Variants in CDK16 observed in about 807,000 individuals in gnomAD.
CDK16 encodes the protein cyclin-dependent kinase 16.
In CDK16, 2 loss-of-function variants were observed where a neutral mutation model predicts 41.6. The ratio of observed to expected loss-of-function variants is 0.05; its 90% CI spans 0.02 to 0.15. The LOEUF is 0.15. Among genes scored for constraint, CDK16 ranks in the 10% least tolerant of loss-of-function variants. The probability of loss-of-function intolerance (pLI) is 1.00; values close to 1 mark genes in which losing one functional copy is unlikely to be tolerated. For missense variants in CDK16, 228 were observed against 428.9 expected (o/e 0.53, Z 4.14); for synonymous variants, 169 against 169.7 (o/e 1.00, Z 0.03).
chrX:47,218,573 C>G, upstream of CDK16: 1 of 1,142,295 alleles, frequency 8.8e-7, no homozygotes. Flanking sequence ...TCCCTGGTGC[C>G]GTCTCCGGCT....
At position 47,218,984 on chromosome X, in the gene CDK16, C is replaced by T; in HGVS notation, c.-128C>T. 1 of 913,765 alleles carries T rather than the reference C, an allele frequency of 1.1e-6. No homozygotes were observed. The highest frequency in any genetic ancestry group is 1.3e-6 in the Non-Finnish European group (1 of 741,073). The allele number at this position is 913,765 out of a possible 1,213,427, so 75.3% of individuals were successfully genotyped here. A position where few individuals can be genotyped will look rare whatever the true frequency, so the allele number is the denominator to read the frequency against. ...GCCCAGCAACCATGGCTGAAGACTA[C>T]TGGGACGGGCGCCTGCGGCGAACAG... On this transcript the variant is annotated 5_prime_UTR_variant, in exon 1 of 16. Transcript: ENST00000357227.
intron 14 of CDK16, chrX:47,228,331 T>C (rs939564736): frequency 6.2e-5 from 23 of 368,020 alleles, no homozygotes; most frequent in East Asian, 1.3e-4. Context: ...CAGGTGGTAA[T>C]TGCAATACCA....
rs751312884 is a variant in CDK16, at chrX:47,227,166, T to TTGTCC, written c.1242-13_1242-9dup. The TTGTCC allele has an allele frequency of 2.5e-6, 3 of 1,208,319 alleles. No individual in the cohort carries two copies. The highest frequency in any genetic ancestry group is 3.4e-6 in the Non-Finnish European group (3 of 894,350). ...CAAACTCATTTTAAATCAGGTCTCT[T>TTGTCC]TGTCCTTGTGGCAGACTTGATAGCG... On this transcript the variant is annotated splice_polypyrimidine_tract_variant and intron_variant, in intron 12 of 15. Transcript: ENST00000357227.
chrX:47,218,630 G>A, upstream of CDK16: 1 of 1,165,055 alleles, frequency 8.6e-7, no homozygotes, highest in African/African-American at 1.8e-5. Context: ...GTCCCCTCCC[G>A]CTGCGGACGG....
chrX:47,227,836 T>G (rs1012585899), intron 14 of CDK16: 60 of 153,100 alleles, frequency 3.9e-4, no homozygotes, highest in African/African-American at 1.8e-3. Context: ...TGTTAAAAGC[T>G]CCCCACCCCC....
upstream of CDK16, chrX:47,218,675 T>A (rs1209549163): frequency 8.6e-7 from 1 of 1,167,105 alleles, no homozygotes. Flanking sequence ...GTGAGTCCCC[T>A]CCTTTCCACT....
Position 47,227,353 on chromosome X carries a change from A to G in CDK16, c.1285-26A>G, listed in dbSNP as rs1001370313. The stretch of plus-strand genomic sequence containing the variant: ...CCTACTTGTTGAAGATATCAATACT[A>G]TCCCCCTCCCCGCACCCCCACTCAG... On this transcript the variant is annotated intron_variant, in intron 13 of 15. Transcript: ENST00000357227. The G allele has an allele frequency of 6.9e-6, 8 of 1,166,683 alleles. No homozygotes were observed. The African/African-American group carries it at 8.9e-5, about 13-fold the overall frequency.
intron 9 of CDK16, 30 bp downstream of exon 9, chrX:47,226,432 T>A (rs1168786483): frequency 8.3e-7 from 1 of 1,200,422 alleles, no homozygotes; most frequent in African/African-American, 1.8e-5. Flanking sequence ...TCTTATTGGC[T>A]CCCCAGCCTC....
chrX:47,226,736 G>T (rs748817704), intron 10 of CDK16, 33 bp downstream of exon 10: 1 of 1,191,556 alleles, frequency 8.4e-7, no homozygotes, highest in Non-Finnish European at 1.1e-6. Context: ...CAGGGGCCAT[G>T]TGGTAAAGGG....
rs1344865706 is a variant in CDK16 at position 47,229,995 on chromosome X, A to G, written c.*1227A>G. ...TGAAATATTAAAAAGTCTAAAGTGA[A>G]AAGCCTGCTTGCAAATCCCTGTAGG... On this transcript the variant is annotated 3_prime_UTR_variant, in exon 16 of 16. Transcript: ENST00000357227. The G allele has an allele frequency of 8.9e-6, 1 of 112,309 alleles. No homozygotes were observed. The highest frequency in any genetic ancestry group is 1.9e-5 in the Non-Finnish European group (1 of 53,230). The allele number at this position is 112,309 out of a possible 1,213,427, so 9.3% of individuals were successfully genotyped here.
chrX:47,219,073 C>G lies in CDK16; in HGVS notation c.-39C>G. On this transcript the variant is annotated 5_prime_UTR_variant, in exon 1 of 16. Transcript: ENST00000357227. ...GCCCCAGGCGCCGCCGCGCCGGCCC[C>G]GCGGCTCTGAGGTTGCTCGCGCGCC... 2.4e-6 allele frequency: 2 copies of G among 818,578 alleles called. No individual in the cohort carries two copies. Among genetic ancestry groups the G allele is most frequent in the Non-Finnish European group, 2.9e-6 (2 of 682,058 alleles). The allele number at this position is 818,578 out of a possible 1,213,427, so 67.5% of individuals were successfully genotyped here.
chrX:47,224,294 T>C (rs1937481805), intron 2 of CDK16, 91 bp from the exon 3 acceptor site: 21 of 983,417 alleles, frequency 2.1e-5, no homozygotes, highest in Non-Finnish European at 2.9e-5. Flanking sequence ...CGTGCACACA[T>C]GTGTGATGAT....
chrX:47,228,595 T>C lies in CDK16; in HGVS notation c.1404T>C (p.Ile468=). ...CTTCCATATTTGCACTAAAGGAGATTCAGCTACAAAAGGAGGCCAGCCTTC... is the reference window on the plus strand; with the variant it reads ...CTTCCATATTTGCACTAAAGGAGATCCAGCTACAAAAGGAGGCCAGCCTTC... ...DTTSIFALKE[I]QLQKEASLRS... The change falls in exon 15 of 16, where the codon ATT becomes ATC. Residue 468 remains isoleucine (I), a synonymous_variant. Coordinates refer to ENST00000357227, the MANE Select transcript of CDK16 (RefSeq NM_006201.5). 5 of 1,211,117 alleles carry C rather than the reference T, an allele frequency of 4.1e-6. No homozygotes were observed. Among genetic ancestry groups the C allele is most frequent in the Non-Finnish European group, 5.6e-6 (5 of 894,880 alleles).
In CDK16 at chrX:47,226,852, C is replaced by G; in HGVS notation, c.1078C>G (p.Pro360Ala). The G allele has an allele frequency of 8.3e-7, 1 of 1,210,524 alleles. No individual in the cohort carries two copies. The highest frequency in any genetic ancestry group is 1.1e-6 in the Non-Finnish European group (1 of 894,649). The change falls in exon 11 of 16, where the codon CCC becomes GCC. Residue 360 changes from proline (P) to alanine (A), a missense_variant. Around this residue, in one of 3 missense-constraint regions of CDK16, gnomAD observed 91 missense variants for 129.5 expected, o/e 0.70. Transcript: ENST00000357227. ...CIFYEMATGR[P>A]LFPGSTVEEQ... Reference sequence around the variant, plus strand: ...CTTCTATGAGATGGCCACAGGCCGTCCCCTCTTTCCGGGCTCCACGGTGGA... The same window carrying G: ...CTTCTATGAGATGGCCACAGGCCGTGCCCTCTTTCCGGGCTCCACGGTGGA...
intron 1 of CDK16, among the ~76,000 whole-genome samples, chrX:47,219,388 G>A (rs1423705475): frequency 9.1e-6 from 1 of 109,359 alleles, no homozygotes; most frequent in East Asian, 2.9e-4. Flanking sequence ...TGAAAGACTT[G>A]GGGGGGTTGC....
rs1435151918 is a variant in CDK16 at position 47,224,392 on chromosome X, G to A, written c.210G>A (p.Val70=). 1 of 1,190,609 alleles carries A rather than the reference G, an allele frequency of 8.4e-7. No homozygotes were observed. The highest frequency in any genetic ancestry group is 3.0e-5 in the East Asian group (1 of 33,702). The change falls in exon 3 of 16, where the codon GTG becomes GTA. Residue 70 remains valine, a synonymous_variant. Coordinates refer to ENST00000357227, the MANE Select transcript of CDK16 (RefSeq NM_006201.5). ...RGPLSSAPEI[V]HEDLKMGSDG... ...CCCTCTCCCTGCCACCAGAGATTGT[G>A]CACGAGGACTTGAAGATGGGGTCTG...
rs754701791 is a variant in CDK16 at position 47,226,677 on chromosome X, G to A, written c.1011G>A (p.Thr337=). The A allele has an allele frequency of 1.2e-5, 14 of 1,209,609 alleles. No individual in the cohort carries two copies. The African/African-American group carries it at 1.2e-4, about 11-fold the overall frequency. Reference sequence around the variant, plus strand: ...CCCCTGACATCCTGCTTGGGTCCACGGACTACTCCACTCAGATTGACATGT... The same window carrying A: ...CCCCTGACATCCTGCTTGGGTCCACAGACTACTCCACTCAGATTGACATGT... The part of the protein sequence containing the change: ...YRPPDILLGS[T]DYSTQIDMWG... Residue 337 remains threonine (T), a synonymous_variant, in exon 10 of 16, where the codon ACG becomes ACA. Transcript: ENST00000357227.
rs1418000638 is a variant in CDK16 at position 47,227,389 on chromosome X, G to A, written c.1295G>A (p.Arg432Gln). 42 of 1,208,607 alleles carry A rather than the reference G, an allele frequency of 3.5e-5. No individual in the cohort carries two copies. Among genetic ancestry groups the A allele is most frequent in the Non-Finnish European group, 4.4e-5 (39 of 893,210 alleles). ...CGCACCCCCACTCAGTTTGAGGGTC[G>A]AAATCGGATCTCCGCAGAGGATGCC... ...LLTKLLQFEG[R>Q]NRISAEDAMK... Residue 432 changes from arginine (R) to glutamine (Q), a missense_variant, in exon 14 of 16, where the codon CGA becomes CAA. By Grantham distance (43) the Arg-to-Gln change is conservative. Transcript: ENST00000357227.
rs1322119033 is a variant in CDK16, at chrX:47,228,661, G to A, written c.1453+17G>A. ...CTGACTCAGGTAGGTATAGCCCCTTGTCTTCCTCCCTGCCCCACCCACCTA... is the reference window on the plus strand; with the variant it reads ...CTGACTCAGGTAGGTATAGCCCCTTATCTTCCTCCCTGCCCCACCCACCTA... On this transcript the variant is annotated intron_variant, in intron 15 of 15. Transcript: ENST00000357227. 8.3e-7 allele frequency: 1 copy of A among 1,207,803 alleles called. No individual in the cohort carries two copies. The highest frequency in any genetic ancestry group is 1.8e-5 in the South Asian group (1 of 56,888).
Sources: gnomAD v4.1 joint callset for allele counts (sites outside exome capture counted in the v4.1 genomes callset) on GRCh38, gnomAD v4.1.1 for gene constraint, gnomAD v4.1.1 regional missense constraint, MANE v1.5 for transcripts, NCBI Gene and HGNC (gene_info 2026-07-23, HGNC 2026-07-21) for gene names.